Variants in SVIL observed in about 807,000 individuals in gnomAD.
The protein encoded by SVIL is archvillin.
SVIL carries 101 observed loss-of-function variants against 240.4 expected under a neutral mutation model. That is an observed-to-expected ratio of 0.42 (90% CI 0.36 to 0.50). The LOEUF (loss-of-function observed/expected upper bound fraction) is 0.50. Ranked by LOEUF, SVIL falls within the 20% of genes least tolerant of loss-of-function variation. The pLI, the probability that SVIL is intolerant of heterozygous loss-of-function variation, is 0.01. For synonymous variants in SVIL, 999 were observed against 1,100.0 expected (o/e 0.91, Z 1.82); for missense variants, 2,512 against 2,818.7 (o/e 0.89, Z 2.46).
At chr10:29,697,057 G>A (rs1225129229) in intron 1 of SVIL, among the ~76,000 whole-genome samples, 14 of 134,274 alleles carry the variant, frequency 1.0e-4, no homozygotes, top group Non-Finnish European at 2.1e-4. Context: ...CCGTCCGGGA[G>A]GTGAGGGGCG....
intron 2 of SVIL, among the ~76,000 whole-genome samples, chr10:29,677,986 T>A (rs1167089042): frequency 6.6e-6 from 1 of 152,090 alleles, no homozygotes; most frequent in East Asian, 1.9e-4. Flanking sequence ...AATGGGCAAA[T>A]ATCACTAGAA....
Position 29,457,924 on chromosome 10 carries a change from C to CAAA in SVIL, c.*320_*322dup, listed in dbSNP as rs34048226. ...TAACACTTTATAAAGAGAACTGCTT[C>CAAA]AAAAAAAAAAAAAAAAGGCATTGCC... On this transcript the variant is annotated 3_prime_UTR_variant, in exon 38 of 38. Transcript: ENST00000355867. 5 of 138,672 alleles carry CAAA rather than the reference C, an allele frequency of 3.6e-5. No homozygotes were observed. Among genetic ancestry groups the CAAA allele is most frequent in the Admixed American group, 7.6e-5 (1 of 13,154 alleles). 8.6% of individuals were successfully genotyped at this position (138,672 alleles called of 1,614,324 possible).
chr10:29,684,341 G>A lies in SVIL; in HGVS notation c.-301+2212C>T, dbSNP rs556599664. Among the ~76,000 whole-genome samples the A allele has an allele frequency of 5.9e-5, 9 of 152,264 alleles. No homozygotes were observed. The East Asian group carries it at 1.2e-3, about 20-fold the overall frequency. The stretch of plus-strand genomic sequence containing the variant: ...GCTCCTGAGAACATGTACCCAAGGC[G>A]GTTGGGTTACAGCTTGGTTTTATGT... On this transcript the variant is annotated intron_variant, in intron 2 of 35. Coordinates refer to the SVIL transcript ENST00000375400.
intron 12 of SVIL, among the ~76,000 whole-genome samples, chr10:29,527,722 G>GC (rs1304964127): frequency 2.3e-5 from 3 of 130,388 alleles, no homozygotes; most frequent in Non-Finnish European, 4.8e-5. Flanking sequence ...ACTGGGCCCA[G>GC]CCTTTTTTTT....
chr10:29,596,725 T>A (rs1956606306), intron 1 of SVIL, among the ~76,000 whole-genome samples: 1 of 152,174 alleles, frequency 6.6e-6, no homozygotes, highest in Non-Finnish European at 1.5e-5. Context: ...ACAGAACCCA[T>A]CCCATGGTAG....
intron 16 of SVIL, among the ~76,000 whole-genome samples, chr10:29,520,703 T>A (rs1269015315): frequency 6.6e-6 from 1 of 151,224 alleles, no homozygotes; most frequent in African/African-American, 2.4e-5. Flanking sequence ...AGGCCAGGAG[T>A]TCGAGACCAG....
In SVIL at chr10:29,523,643, A is replaced by G. The variant is rs1259309174; in HGVS notation, c.2971T>C (p.Ser991Pro). ...CCTCTTCTGGGAACAGCATATTTAG[A>G]TTCCTTATGGCTGTCTCCTTCCCTG... is the stretch of plus-strand genomic sequence containing the variant. The part of the protein sequence containing the change: ...RAREGDSHKE[S>P]KYAVPRRGSL... The change falls in exon 15 of 38, where the codon TCT (serine) becomes CCT (proline). Residue 991 changes from serine (S) to proline (P), a missense_variant. Around this residue, in one of 3 missense-constraint regions of SVIL, gnomAD observed 1,443 missense variants for 1,486.6 expected, o/e 0.97. Transcript: ENST00000355867. 3 of 1,614,000 alleles carry G rather than the reference A, an allele frequency of 1.9e-6. No homozygotes were observed. The highest frequency in any genetic ancestry group is 2.2e-5 in the South Asian group (2 of 91,052).
At chr10:29,670,514 T>C (rs1959682226) in intron 2 of SVIL, among the ~76,000 whole-genome samples, 1 of 152,214 alleles carries the variant, frequency 6.6e-6, no homozygotes, top group African/African-American at 2.4e-5. Context: ...GAAAGAGAAG[T>C]CAAATTACAA....
chr10:29,494,119 G>C (rs1948213959), intron 20 of SVIL, among the ~76,000 whole-genome samples: 1 of 152,120 alleles, frequency 6.6e-6, no homozygotes, highest in South Asian at 2.1e-4. Flanking sequence ...AGTGAGCTAT[G>C]ATGGCACCAC....
intron 3 of SVIL, among the ~76,000 whole-genome samples, chr10:29,641,358 G>T (rs1037185574): frequency 6.6e-6 from 1 of 152,132 alleles, no homozygotes; most frequent in Non-Finnish European, 1.5e-5. Flanking sequence ...ATCACCTGAG[G>T]TCAGGAGTTT....
intron 35 of SVIL, 123 bp downstream of exon 35, chr10:29,463,369 G>T: frequency 7.5e-7 from 1 of 1,324,738 alleles, no homozygotes; most frequent in Non-Finnish European, 9.9e-7. Flanking sequence ...ATCACCACCT[G>T]CCAGGCTTTA....
intron 1 of SVIL, among the ~76,000 whole-genome samples, chr10:29,616,649 G>C (rs767936335): frequency 6.6e-6 from 1 of 152,170 alleles, no homozygotes. Flanking sequence ...CACTTTTTCT[G>C]CCTAAAAGCC....
At chr10:29,545,853 C>CAAAAAAAA (rs755360700) in intron 6 of SVIL, among the ~76,000 whole-genome samples, 12 of 63,566 alleles carry the variant, frequency 1.9e-4, no homozygotes, top group African/African-American at 2.8e-4. Context: ...GACTCTGTCT[C>CAAAAAAAA]AAAAAAAAAA....
intron 1 of SVIL, among the ~76,000 whole-genome samples, chr10:29,570,773 G>A (rs979858593): frequency 6.6e-6 from 1 of 152,118 alleles, no homozygotes; most frequent in Non-Finnish European, 1.5e-5. Context: ...CTTATTAAGG[G>A]AAAACAAATT....
intron 1 of SVIL, among the ~76,000 whole-genome samples, chr10:29,708,439 G>A (rs1213846228): frequency 6.6e-6 from 1 of 150,630 alleles, no homozygotes; most frequent in Non-Finnish European, 1.5e-5. Flanking sequence ...TGGCCAACAT[G>A]GTGAAACCCT....
chr10:29,642,549 A>G (rs1389674432), intron 3 of SVIL, among the ~76,000 whole-genome samples: 1 of 152,142 alleles, frequency 6.6e-6, no homozygotes, highest in Admixed American at 6.5e-5. Context: ...CTGATTCCCA[A>G]TCTCTAGGCT....
At chr10:29,693,678 C>A (rs1049173813) in intron 1 of SVIL, among the ~76,000 whole-genome samples, 3 of 152,166 alleles carry the variant, frequency 2.0e-5, no homozygotes, top group African/African-American at 7.2e-5. Context: ...AGTGCCAGCC[C>A]TTTCCTTCTC....
chr10:29,463,747 G>C, intron 34 of SVIL, 112 bp from the exon 35 acceptor site: 1 of 1,454,358 alleles, frequency 6.9e-7, no homozygotes, highest in Non-Finnish European at 9.2e-7. Context: ...GTGTCACAGG[G>C]GGAAACCCCC....
At chr10:29,495,638 C>T (rs902351866) in intron 18 of SVIL, among the ~76,000 whole-genome samples, 4 of 152,184 alleles carry the variant, frequency 2.6e-5, no homozygotes, top group African/African-American at 9.7e-5. Flanking sequence ...GGGGACATGA[C>T]ACAGACAGTA....
Sources: allele counts gnomAD v4.1 joint callset (sites outside exome capture counted in the v4.1 genomes callset), GRCh38; gene constraint gnomAD v4.1.1; regional missense constraint gnomAD v4.1.1; transcripts MANE v1.5; gene names NCBI Gene and HGNC (gene_info 2026-07-23, HGNC 2026-07-21).